AFG2A: variants seen among roughly 807,000 people sequenced by gnomAD.
AFG2A encodes the protein AAA ATPase AFG2A.
At chr4:123,016,866 T>C in the AFG2A span, among the ~76,000 whole-genome samples, 3 of 152,104 alleles carry the variant, frequency 2.0e-5, no homozygotes, top group Admixed American at 6.5e-5. Flanking sequence ...CCGTCTGCAA[T>C]CCCGGCACCT....
At chr4:123,297,845 T>C in the AFG2A span, among the ~76,000 whole-genome samples, 1 of 152,086 alleles carries the variant, frequency 6.6e-6, no homozygotes, top group Non-Finnish European at 1.5e-5. Context: ...ACCTTTGCAA[T>C]AGTACATTTT....
chr4:123,095,030 C>CAAAAAA, the AFG2A span, among the ~76,000 whole-genome samples: 896 of 35,194 alleles, frequency 0.025, 34 homozygotes, highest in Middle Eastern at 0.066. Flanking sequence ...TCCCTCCCCA[C>CAAAAAA]AAAAAAAAAA....
chr4:123,243,874 T>C, the AFG2A span, among the ~76,000 whole-genome samples: 1 of 151,742 alleles, frequency 6.6e-6, no homozygotes, highest in African/African-American at 2.4e-5. Context: ...ATTTAAATGT[T>C]AGCCAGATGT....
At chr4:123,016,738 G>A in the AFG2A span, among the ~76,000 whole-genome samples, 5 of 152,020 alleles carry the variant, frequency 3.3e-5, no homozygotes, top group Admixed American at 6.5e-5. Context: ...GGCAGAGGCT[G>A]CAATCTTGGC....
the AFG2A span, among the ~76,000 whole-genome samples, chr4:123,128,932 C>G: frequency 6.6e-6 from 1 of 152,070 alleles, no homozygotes; most frequent in African/African-American, 2.4e-5. Context: ...GTTTAAAATG[C>G]TTGTTAATAA....
the AFG2A span, among the ~76,000 whole-genome samples, chr4:123,283,358 A>AAGAGAT: frequency 6.7e-6 from 1 of 149,000 alleles, no homozygotes; most frequent in Non-Finnish European, 1.5e-5. Flanking sequence ...GGAAAAAAAA[A>AAGAGAT]AGAGAGAGAG....
chr4:123,103,514 A>T, the AFG2A span, among the ~76,000 whole-genome samples: 2 of 152,108 alleles, frequency 1.3e-5, no homozygotes, highest in East Asian at 1.9e-4. Flanking sequence ...GTTCTTTCTT[A>T]AAAAAATTAT....
the AFG2A span, among the ~76,000 whole-genome samples, chr4:123,232,040 A>G: frequency 6.6e-6 from 1 of 152,074 alleles, no homozygotes; most frequent in Admixed American, 6.6e-5. Flanking sequence ...AAAATGTGAC[A>G]CAAAGACAAG....
At chr4:123,038,938 C>G in the AFG2A span, among the ~76,000 whole-genome samples, 4 of 152,054 alleles carry the variant, frequency 2.6e-5, no homozygotes, top group African/African-American at 9.7e-5. Context: ...TATATTTTCA[C>G]ATTTTCAAAC....
the AFG2A span, among the ~76,000 whole-genome samples, chr4:123,262,872 CACACT>C: frequency 6.6e-6 from 1 of 152,148 alleles, no homozygotes; most frequent in Non-Finnish European, 1.5e-5. Flanking sequence ...AGGAGTAACT[CACACT>C]ACCTGGGATT....
chr4:123,033,962 G>A, the AFG2A span, among the ~76,000 whole-genome samples: 1 of 152,142 alleles, frequency 6.6e-6, no homozygotes, highest in African/African-American at 2.4e-5. Flanking sequence ...GAGGGGAAGA[G>A]CTACTGTACA....
At chr4:123,201,063 AAC>A in the AFG2A span, among the ~76,000 whole-genome samples, 1 of 152,250 alleles carries the variant, frequency 6.6e-6, no homozygotes, top group Non-Finnish European at 1.5e-5. Context: ...TTTGAAATTT[AAC>A]CTTCCTTGCC....
the AFG2A span, among the ~76,000 whole-genome samples, chr4:122,966,728 T>C: frequency 6.6e-6 from 1 of 152,236 alleles, no homozygotes. Flanking sequence ...CGTGTTTTTG[T>C]GCCACTTTGT....
At chr4:123,177,532 A>G in the AFG2A span, among the ~76,000 whole-genome samples, 1 of 152,042 alleles carries the variant, frequency 6.6e-6, no homozygotes, top group Admixed American at 6.6e-5. Context: ...TTTTAGGAGT[A>G]AAGAGACTTC....
the AFG2A span, among the ~76,000 whole-genome samples, chr4:123,249,619 T>C: frequency 6.6e-6 from 1 of 152,124 alleles, no homozygotes; most frequent in African/African-American, 2.4e-5. Flanking sequence ...GACAAATGAT[T>C]GTGTTGGCTT....
the AFG2A span, among the ~76,000 whole-genome samples, chr4:123,269,758 T>G: frequency 1.7e-5 from 1 of 59,326 alleles, no homozygotes; most frequent in African/African-American, 4.2e-5. Context: ...TTCGTCCCCC[T>G]TAATGCATCT....
chr4:123,057,190 G>C, the AFG2A span: 1 of 1,613,320 alleles, frequency 6.2e-7, no homozygotes, highest in Non-Finnish European at 8.5e-7. Context: ...TTTAGCTAAT[G>C]TGGCACTCTT....
chr4:123,221,928 C>T, the AFG2A span, among the ~76,000 whole-genome samples: 4 of 143,324 alleles, frequency 2.8e-5, no homozygotes, highest in Non-Finnish European at 6.1e-5. Context: ...AACTCCATCT[C>T]AAAAAAAAAA....
At chr4:123,116,108 A>G in the AFG2A span, among the ~76,000 whole-genome samples, 3 of 151,976 alleles carry the variant, frequency 2.0e-5, no homozygotes, top group East Asian at 3.9e-4. Context: ...TTTGTTGTGC[A>G]AGCTGGTCTC....
Sources: allele counts gnomAD v4.1 joint callset (sites outside exome capture counted in the v4.1 genomes callset), GRCh38; gene constraint gnomAD v4.1.1; transcripts MANE v1.5; gene names NCBI Gene and HGNC (gene_info 2026-07-23, HGNC 2026-07-21).